The following ATG4A variants were observed in gnomAD, a reference collection of about 807,000 sequenced individuals.
The protein encoded by ATG4A is autophagy related 4A cysteine peptidase, also known as cysteine protease ATG4A.
Under a neutral mutation model 38.4 loss-of-function variants are expected in ATG4A, and 22 were observed. That is an observed-to-expected ratio of 0.57 (90% CI 0.41 to 0.82). The LOEUF (loss-of-function observed/expected upper bound fraction) is 0.82, where lower values mean the gene tolerates loss of function less well. Ranked by LOEUF, ATG4A falls within the 40% of genes least tolerant of loss-of-function variation. ATG4A has a pLI of 0.00. For synonymous variants in ATG4A, 86 were observed against 100.7 expected, an observed-to-expected ratio of 0.85 and a Z score of 0.88; for missense variants, 220 against 290.0, an observed-to-expected ratio of 0.76 and a Z score of 1.75.
intron 1 of ATG4A, among the ~76,000 whole-genome samples, chrX:108,094,726 G>C (rs1187400553): frequency 8.9e-6 from 1 of 112,024 alleles, no homozygotes; most frequent in African/African-American, 3.2e-5. Flanking sequence ...ATAGAATTCT[G>C]TTCTTCTCTT....
chrX:108,129,719 C>T (rs751423261), intron 3 of ATG4A, among the ~76,000 whole-genome samples: 1 of 109,373 alleles, frequency 9.1e-6, no homozygotes, highest in East Asian at 2.9e-4. Context: ...TACAGGCGCC[C>T]GCCAACACGC....
At chrX:108,131,396 TC>T in intron 4 of ATG4A, 38 bp downstream of exon 4, 3 of 1,138,550 alleles carry the variant, frequency 2.6e-6, no homozygotes, top group Non-Finnish European at 2.4e-6. Context: ...CTCAGAGACC[TC>T]TGCAGTATCA....
chrX:108,128,661 C>G (rs1431115499), intron 2 of ATG4A, 120 bp from the exon 3 acceptor site: 2 of 396,524 alleles, frequency 5.0e-6, no homozygotes, highest in East Asian at 8.8e-5. Flanking sequence ...TGTGAATTTA[C>G]CTAGCCCCAT....
In ATG4A at chrX:108,153,310, A is replaced by G. The variant is rs191255165; in HGVS notation, c.1126+223A>G. The stretch of plus-strand genomic sequence containing the variant: ...AAAATGAGCTCATTGCAAAAGTTCT[A>G]TGCAAAATCAAGATGACTAGGATTG... On this transcript the variant is annotated intron_variant, in intron 12 of 12. Transcript: ENST00000372232. Among the ~76,000 whole-genome samples, 242 of 112,503 alleles carry G rather than the reference A, an allele frequency of 2.2e-3. 1 individual carries two copies. The highest frequency in any genetic ancestry group is 3.3e-3 in the South Asian group (9 of 2,705).
intron 1 of ATG4A, among the ~76,000 whole-genome samples, chrX:108,095,910 G>T (rs1225749557): frequency 9.1e-6 from 1 of 110,332 alleles, no homozygotes; most frequent in Non-Finnish European, 1.9e-5. Context: ...GGGTTTTGCC[G>T]TGTTGGCCAG....
intron 9 of ATG4A, among the ~76,000 whole-genome samples, chrX:108,141,028 A>ACG (rs1169163974): frequency 2.7e-5 from 2 of 74,937 alleles, no homozygotes; most frequent in East Asian, 3.7e-4. Flanking sequence ...ACACATATAT[A>ACG]TACATATATA....
intron 9 of ATG4A, among the ~76,000 whole-genome samples, chrX:108,141,489 G>A (rs1042172959): frequency 9.0e-6 from 1 of 111,696 alleles, no homozygotes; most frequent in East Asian, 2.8e-4. Context: ...AGAAAGTGGT[G>A]AAGCCAAGAG....
chrX:108,111,538 G>A (rs767586037), intron 1 of ATG4A, among the ~76,000 whole-genome samples: 61 of 111,800 alleles, frequency 5.5e-4, no homozygotes, highest in African/African-American at 2.0e-3. Context: ...CATAAGGGTT[G>A]CAATCAAGAA....
At chrX:108,142,778 G>C (rs914263181) in intron 9 of ATG4A, among the ~76,000 whole-genome samples, 1 of 111,146 alleles carries the variant, frequency 9.0e-6, no homozygotes, top group Non-Finnish European at 1.9e-5. Context: ...ACCTGATTAA[G>C]AGTGGGTCTG....
chrX:108,141,100 A>ATATATATATC (rs1395908189), intron 9 of ATG4A, among the ~76,000 whole-genome samples: 2 of 81,996 alleles, frequency 2.4e-5, no homozygotes, highest in Non-Finnish European at 4.6e-5. Flanking sequence ...ATATATATAT[A>ATATATATATC]TATATATATC....
chrX:108,105,707 A>G (rs1169348838), intron 1 of ATG4A, among the ~76,000 whole-genome samples: 2 of 111,947 alleles, frequency 1.8e-5, no homozygotes, highest in Non-Finnish European at 3.8e-5. Context: ...CAAGGCAGCC[A>G]AAGTATGCTG....
chrX:108,124,672 G>T (rs1283348583), intron 1 of ATG4A, among the ~76,000 whole-genome samples: 1 of 110,624 alleles, frequency 9.0e-6, no homozygotes, highest in African/African-American at 3.3e-5. Flanking sequence ...GGATGGTCTT[G>T]ATCTCAGCTG....
intron 10 of ATG4A, among the ~76,000 whole-genome samples, chrX:108,151,503 A>AAGTAATGG (rs2033587901): frequency 8.9e-6 from 1 of 112,417 alleles, no homozygotes; most frequent in Non-Finnish European, 1.9e-5. Context: ...TGTACACTGA[A>AAGTAATGG]AGTAATGGAA....
intron 12 of ATG4A, 90 bp from the exon 13 acceptor site, chrX:108,153,552 G>GCTTAGT (rs1205968971): frequency 4.5e-6 from 3 of 663,624 alleles, no homozygotes; most frequent in Non-Finnish European, 7.1e-6. Flanking sequence ...AATTAAAAAT[G>GCTTAGT]CTTAGTCTTA....
intron 1 of ATG4A, among the ~76,000 whole-genome samples, chrX:108,113,857 A>G (rs2032435421): frequency 1.8e-5 from 2 of 111,898 alleles, no homozygotes; most frequent in South Asian, 7.6e-4. Context: ...AACATGTGGG[A>G]ATTCTGGGAG....
intron 11 of ATG4A, 59 bp from the exon 12 acceptor site, chrX:108,152,920 T>C: frequency 3.2e-6 from 3 of 924,540 alleles, no homozygotes; most frequent in East Asian, 6.2e-5. Context: ...GGGTCAAAGA[T>C]TGCCAATTAG....
intron 1 of ATG4A, among the ~76,000 whole-genome samples, chrX:108,097,862 C>T (rs757597335): frequency 2.5e-4 from 28 of 112,481 alleles, no homozygotes; most frequent in African/African-American, 8.7e-4. Flanking sequence ...ATTGATTTTT[C>T]ACTGCTTACA....
Position 108,137,975 on chromosome X carries a change from A to C in ATG4A, c.719A>C (p.Tyr240Ser). ...GGCATAAACCAAATCAATCCTGTCT[A>C]TGTTGATGCATTCAAAGTAAGTCAC... ...RLGINQINPV[Y>S]VDAFKECFKM... Residue 240 changes from tyrosine to serine, a missense_variant, in exon 8 of 13, where the codon TAT (tyrosine) becomes TCT (serine). Physicochemically the swap from Tyr to Ser is moderately radical, Grantham distance 144. Coordinates refer to ENST00000372232, the MANE Select transcript of ATG4A (RefSeq NM_052936.5). 8.3e-7 allele frequency: 1 copy of C among 1,200,406 alleles called. No individual in the cohort carries two copies.
Position 108,152,961 on chromosome X carries a change from G to C in ATG4A, c.1018-18G>C, listed in dbSNP as rs770502586. ...TTGTGACTCTGAAGTATTTAAAACT[G>C]TTTTGTCATCTCCCCAGGAAATTCT... is the stretch of plus-strand genomic sequence containing the variant. On this transcript the variant is annotated intron_variant, in intron 11 of 12. Coordinates refer to ENST00000372232, the MANE Select transcript of ATG4A (RefSeq NM_052936.5). 1 of 1,148,532 alleles carries C rather than the reference G, an allele frequency of 8.7e-7. No homozygotes were observed. The highest frequency in any genetic ancestry group is 2.2e-5 in the Admixed American group (1 of 45,905). 94.7% of individuals were successfully genotyped at this position (1,148,532 alleles called of 1,213,427 possible). A position where few individuals can be genotyped will look rare whatever the true frequency, so the allele number is the denominator to read the frequency against.
Sources: allele counts gnomAD v4.1 joint callset (sites outside exome capture counted in the v4.1 genomes callset), GRCh38; gene constraint gnomAD v4.1.1; transcripts MANE v1.5; gene names NCBI Gene and HGNC (gene_info 2026-07-23, HGNC 2026-07-21).